The following DCAF7 variants were observed in gnomAD, a reference collection of about 807,000 sequenced individuals.
The protein encoded by DCAF7 is DDB1 and CUL4 associated factor 7, also known as DDB1- and CUL4-associated factor 7.
In DCAF7, 4 loss-of-function variants were observed where a neutral mutation model predicts 41.2. That is an observed-to-expected ratio of 0.10 (90% CI 0.05 to 0.22). The LOEUF (loss-of-function observed/expected upper bound fraction) is 0.22. Among genes scored for constraint, DCAF7 ranks in the 10% least tolerant of loss-of-function variants. The pLI is 1.00. For missense variants in DCAF7, 131 were observed against 443.2 expected (o/e 0.30, Z 6.32); for synonymous variants, 143 against 164.2 (o/e 0.87, Z 0.99).
chr17:63,585,065 T>A (rs2033663001), intron 5 of DCAF7, 146 bp from the exon 6 acceptor site: 2 of 659,242 alleles, frequency 3.0e-6, no homozygotes, highest in Non-Finnish European at 5.2e-6. Context: ...TTCTTTTCCC[T>A]CAATCCTATG....
chr17:63,551,999 AC>A (rs2033262530), intron 1 of DCAF7, among the ~76,000 whole-genome samples: 1 of 145,520 alleles, frequency 6.9e-6, no homozygotes, highest in Non-Finnish European at 1.5e-5. Context: ...AATTGCTTGA[AC>A]CTGGGAGGCG....
chr17:63,589,000 C>A lies in DCAF7; in HGVS notation c.857C>A (p.Ala286Glu). ...GCTTGCTGGCTTTCTTTGTCCCTAGCGGATGACCACCAGGCTCTCATCTGG... is the reference window on the plus strand; with the variant it reads ...GCTTGCTGGCTTTCTTTGTCCCTAGAGGATGACCACCAGGCTCTCATCTGG... ...PHSSCHICTA[A>E]DDHQALIWDI... is the part of the protein sequence containing the mutation. Residue 286 changes from alanine to glutamate, a missense_variant and splice_region_variant, in exon 7 of 7, where the codon GCG becomes GAG. Physicochemically the swap from Ala to Glu is moderately radical, Grantham distance 107 (BLOSUM62 -1). Coordinates refer to ENST00000614556, the MANE Select transcript of DCAF7 (RefSeq NM_005828.5). The A allele has an allele frequency of 6.2e-7, 1 of 1,607,558 alleles. No individual in the cohort carries two copies. Among genetic ancestry groups the A allele is most frequent in the Non-Finnish European group, 8.5e-7 (1 of 1,175,572 alleles).
chr17:63,568,526 G>A (rs184503539), intron 1 of DCAF7, among the ~76,000 whole-genome samples: 6 of 152,182 alleles, frequency 3.9e-5, no homozygotes, highest in East Asian at 1.9e-4. Context: ...AAACTCAGGC[G>A]CTTTAAATTT....
At chr17:63,585,425 T>G in intron 6 of DCAF7, 97 bp downstream of exon 6, 1 of 1,114,202 alleles carries the variant, frequency 9.0e-7, no homozygotes, top group Non-Finnish European at 1.3e-6. Flanking sequence ...CTAAGCACAG[T>G]CTTGAGAGAT....
In DCAF7 at chr17:63,593,019, G is replaced by T; in HGVS notation, c.*3847G>T. On this transcript the variant is annotated 3_prime_UTR_variant, in exon 7 of 7. Transcript: ENST00000614556. Reference sequence around the variant, plus strand: ...AGCAGCTGCAGGGTTTACCACACGTGGGAGGGCAGCCCAGTACTGTCCCTC... The same window carrying T: ...AGCAGCTGCAGGGTTTACCACACGTTGGAGGGCAGCCCAGTACTGTCCCTC... 1 of 152,438 alleles carries T rather than the reference G, an allele frequency of 6.6e-6. No homozygotes were observed. 9.4% of individuals were successfully genotyped at this position (152,438 alleles called of 1,614,324 possible). A position where few individuals can be genotyped will look rare whatever the true frequency, so the allele number is the denominator to read the frequency against.
intron 6 of DCAF7, among the ~76,000 whole-genome samples, chr17:63,586,839 A>C (rs755713513): frequency 6.6e-6 from 1 of 152,186 alleles, no homozygotes; most frequent in Non-Finnish European, 1.5e-5. Flanking sequence ...ATTTAAATTG[A>C]AAACAGTACA....
At chr17:63,559,773 G>T (rs2033361112) in intron 1 of DCAF7, among the ~76,000 whole-genome samples, 1 of 152,118 alleles carries the variant, frequency 6.6e-6, no homozygotes, top group South Asian at 2.1e-4. Flanking sequence ...TTGCACTCCA[G>T]CCTGGGCAAC....
intron 4 of DCAF7, among the ~76,000 whole-genome samples, chr17:63,581,866 T>G (rs1323411556): frequency 3.9e-5 from 6 of 152,242 alleles, no homozygotes; most frequent in African/African-American, 1.4e-4. Context: ...CTCTCATTGA[T>G]ACCTGGCAGA....
chr17:63,577,953 G>C (rs553855484), intron 1 of DCAF7, among the ~76,000 whole-genome samples: 35 of 152,184 alleles, frequency 2.3e-4, no homozygotes, highest in Non-Finnish European at 3.5e-4. Flanking sequence ...TTGCAGTGTT[G>C]AGTGTAACCA....
intron 5 of DCAF7, among the ~76,000 whole-genome samples, chr17:63,584,840 T>C (rs2033660835): frequency 6.6e-6 from 1 of 152,126 alleles, no homozygotes; most frequent in African/African-American, 2.4e-5. Context: ...GGAGAATGCA[T>C]TGGTTGTCCT....
rs139935173 is a variant in DCAF7, at chr17:63,556,922, G to C, written c.138+6107G>C. On this transcript the variant is annotated intron_variant, in intron 1 of 6. Coordinates refer to ENST00000614556, the MANE Select transcript of DCAF7 (RefSeq NM_005828.5). ...ATGCACCTGTAGTCCCAGCTACTCA[G>C]GAGGCTGAGATGGAAGGATCACTTG... Among the ~76,000 whole-genome samples the C allele has an allele frequency of 7.4e-3, 1,126 of 152,256 alleles. 14 individuals are homozygous for C. The highest frequency in any genetic ancestry group is 0.025 in the African/African-American group (1,051 of 41,546).
chr17:63,572,162 A>G (rs2033514303), intron 1 of DCAF7, among the ~76,000 whole-genome samples: 1 of 152,218 alleles, frequency 6.6e-6, no homozygotes, highest in Admixed American at 6.5e-5. Context: ...CAAAGCTCAT[A>G]TATTGAGTAA....
intron 1 of DCAF7, among the ~76,000 whole-genome samples, chr17:63,560,529 C>T (rs1402978619): frequency 1.3e-5 from 2 of 151,916 alleles, no homozygotes; most frequent in African/African-American, 4.8e-5. Context: ...AGAGTAAACA[C>T]CTGTGTTTTT....
At chr17:63,575,190 G>A (rs151327976) in intron 1 of DCAF7, among the ~76,000 whole-genome samples, 64 of 152,064 alleles carry the variant, frequency 4.2e-4, no homozygotes, top group Non-Finnish European at 7.1e-4. Context: ...AATTAGCCAG[G>A]CGTGGTCACG....
chr17:63,568,453 G>C (rs1330817821), intron 1 of DCAF7, among the ~76,000 whole-genome samples: 3 of 152,136 alleles, frequency 2.0e-5, no homozygotes, highest in South Asian at 2.1e-4. Flanking sequence ...AAGGTAATTT[G>C]CAGTTTTGGC....
At chr17:63,581,461 C>T (rs1037474297) in intron 4 of DCAF7, among the ~76,000 whole-genome samples, 1 of 152,198 alleles carries the variant, frequency 6.6e-6, no homozygotes, top group Non-Finnish European at 1.5e-5. Context: ...TGGGAGGAGG[C>T]AGGGTTCCTG....
chr17:63,554,267 A>G (rs769773873), intron 1 of DCAF7, among the ~76,000 whole-genome samples: 5 of 152,190 alleles, frequency 3.3e-5, no homozygotes, highest in Non-Finnish European at 7.3e-5. Flanking sequence ...CTCTTGAGGG[A>G]TACAGCAAGA....
In DCAF7 at chr17:63,589,278, T is replaced by C; in HGVS notation, c.*106T>C. 2 of 1,456,132 alleles carry C rather than the reference T, an allele frequency of 1.4e-6. No individual in the cohort carries two copies. The highest frequency in any genetic ancestry group is 1.9e-6 in the Non-Finnish European group (2 of 1,058,416). 90.2% of individuals were successfully genotyped at this position (1,456,132 alleles called of 1,614,324 possible). On this transcript the variant is annotated 3_prime_UTR_variant, in exon 7 of 7. Transcript: ENST00000614556. ...TTTCCAGTGGCCAGTATGTCTTTCATTGCTTTGCACCCACTGTTACCAGAA... is the reference window on the plus strand; with the variant it reads ...TTTCCAGTGGCCAGTATGTCTTTCACTGCTTTGCACCCACTGTTACCAGAA...
At chr17:63,587,814 C>T (rs1261610706) in intron 6 of DCAF7, among the ~76,000 whole-genome samples, 5 of 151,760 alleles carry the variant, frequency 3.3e-5, no homozygotes, top group Non-Finnish European at 1.5e-5. Flanking sequence ...AATTAACTTA[C>T]TATTTTGATT....
Sources: allele counts gnomAD v4.1 joint callset (sites outside exome capture counted in the v4.1 genomes callset), GRCh38; gene constraint gnomAD v4.1.1; transcripts MANE v1.5; gene names NCBI Gene and HGNC (gene_info 2026-07-23, HGNC 2026-07-21).